The following CD163L1 variants were observed in gnomAD, a reference collection of about 807,000 sequenced individuals.
The protein encoded by CD163L1 is CD163 molecule like 1, also known as scavenger receptor cysteine-rich type 1 protein M160.
In CD163L1, 124 loss-of-function variants were observed where a neutral mutation model predicts 165.4. That is an observed-to-expected ratio of 0.75 (90% confidence interval 0.65 to 0.87). The LOEUF (loss-of-function observed/expected upper bound fraction) is 0.87, where lower values mean the gene tolerates loss of function less well. Among genes scored for constraint, CD163L1 ranks in the 40% least tolerant of loss-of-function variants. The pLI, the probability that CD163L1 is intolerant of heterozygous loss-of-function variation, is 0.00. For synonymous variants in CD163L1, 585 were observed against 662.2 expected (o/e 0.88, Z 1.79); for missense variants, 1,525 against 1,799.9 (o/e 0.85, Z 2.76).
At chr12:7,327,199 G>A in the CD163L1 span, 1 of 1,310,708 alleles carries the variant, frequency 7.6e-7, no homozygotes, top group Non-Finnish European at 1.0e-6. Flanking sequence ...CATTATATAG[G>A]TAGAAGACAC....
At chr12:7,421,580 CATATATACATATACAT>C (rs1948422822) in intron 4 of CD163L1, among the ~76,000 whole-genome samples, 2 of 122,116 alleles carry the variant, frequency 1.6e-5, no homozygotes, top group East Asian at 4.7e-4. Flanking sequence ...TATACATGTA[CATATATACATATACAT>C]ATATGTACAC....
chr12:7,335,691 C>G, the CD163L1 span, among the ~76,000 whole-genome samples: 1 of 152,096 alleles, frequency 6.6e-6, no homozygotes, highest in Non-Finnish European at 1.5e-5. Flanking sequence ...TTCTGCACAG[C>G]AAAAGAAACT....
chr12:7,347,137 A>C lies in CD163L1; in HGVS notation c.*35T>G, dbSNP rs1184187875. On this transcript the variant is annotated 3_prime_UTR_variant, in exon 5 of 5. Coordinates refer to the CD163L1 transcript ENST00000539726. The surrounding 1 kb of genome is among the most constrained non-coding windows in gnomAD (Gnocchi z 4.2). ...GTCAGGAGGGCTTAACATCACCCAC[A>C]TATCAAGATTCTATTTTTAAAGAAA... The C allele has an allele frequency of 6.6e-6, 1 of 152,216 alleles. No homozygotes were observed. Among genetic ancestry groups the C allele is most frequent in the Non-Finnish European group, 1.5e-5 (1 of 68,044 alleles). The allele number at this position is 152,216 out of a possible 1,614,324, so 9.4% of individuals were successfully genotyped here. A position where few individuals can be genotyped will look rare whatever the true frequency, so the allele number is the denominator to read the frequency against.
Position 7,369,031 on chromosome 12 carries a change from TCTC to T in CD163L1, c.4040-69_4040-67del. The T allele has an allele frequency of 6.7e-7, 1 of 1,501,112 alleles. No individual in the cohort carries two copies. Among genetic ancestry groups the T allele is most frequent in the Non-Finnish European group, 9.2e-7 (1 of 1,085,484 alleles). The allele number at this position is 1,501,112 out of a possible 1,614,324, so 93.0% of individuals were successfully genotyped here. A position where few individuals can be genotyped will look rare whatever the true frequency, so the allele number is the denominator to read the frequency against. On this transcript the variant is annotated intron_variant, in intron 15 of 19. Transcript: ENST00000313599. The surrounding 1 kb of genome is among the most constrained non-coding windows in gnomAD (Gnocchi z 4.9). ...AAGGAACTGGGTATTTCTTTTTACA[TCTC>T]CTGCGATTATCGGATGTCATTTAAA...
At chr12:7,353,071 GAATTAAAGAAAAATCT>G (rs1946718352), downstream of CD163L1, among the ~76,000 whole-genome samples, 1 of 151,416 alleles carries the variant, frequency 6.6e-6, no homozygotes, top group Non-Finnish European at 1.5e-5. Context: ...CATATTTAAA[GAATTAAAGAAAAATCT>G]AACGACAATG....
chr12:7,437,142 ATTT>A, intron 2 of CD163L1, among the ~76,000 whole-genome samples: 1 of 79,642 alleles, frequency 1.3e-5, no homozygotes, highest in South Asian at 4.2e-4. Flanking sequence ...TTTATTTATT[ATTT>A]TTATTATACT....
intron 4 of CD163L1, among the ~76,000 whole-genome samples, chr12:7,421,751 A>G (rs1349454369): frequency 3.2e-5 from 4 of 125,998 alleles, no homozygotes; most frequent in African/African-American, 1.4e-4. Flanking sequence ...GTGTGTATAT[A>G]TATATATATA....
chr12:7,327,169 AT>A, the CD163L1 span: 1 of 1,454,734 alleles, frequency 6.9e-7, no homozygotes. Context: ...ATTTTACTGG[AT>A]TTTGATTTTA....
At chr12:7,318,965 G>C in the CD163L1 span, among the ~76,000 whole-genome samples, 1 of 152,144 alleles carries the variant, frequency 6.6e-6, no homozygotes, top group Admixed American at 6.5e-5. Context: ...ATGGACTAGG[G>C]GGAGCGGGGA....
chr12:7,430,322 T>A (rs1447175087), intron 4 of CD163L1, among the ~76,000 whole-genome samples: 1 of 152,198 alleles, frequency 6.6e-6, no homozygotes, highest in Non-Finnish European at 1.5e-5. Context: ...GATTATTCAC[T>A]TGTTGTAAGA....
the CD163L1 span, among the ~76,000 whole-genome samples, chr12:7,334,957 G>A: frequency 2.0e-5 from 3 of 152,134 alleles, no homozygotes; most frequent in African/African-American, 4.8e-5. Context: ...CCTATTCAAG[G>A]AGAACTACAA....
the CD163L1 span, chr12:7,323,609 A>C: frequency 4.0e-6 from 6 of 1,514,310 alleles, no homozygotes; most frequent in Non-Finnish European, 5.5e-6. Context: ...CTTGGGTTCA[A>C]ATTTCATTTC....
the CD163L1 span, among the ~76,000 whole-genome samples, chr12:7,340,970 T>C: frequency 6.6e-6 from 1 of 152,206 alleles, no homozygotes; most frequent in South Asian, 2.1e-4. Flanking sequence ...ATTTTCCAAA[T>C]TCAAATGTTA....
rs756400210 is a variant in CD163L1 at position 7,374,701 on chromosome 12, C to A, written c.3150G>T (p.Glu1050Asp). 2.5e-6 allele frequency: 4 copies of A among 1,614,072 alleles called. No homozygotes were observed. Among genetic ancestry groups the A allele is most frequent in the Non-Finnish European group, 3.4e-6 (4 of 1,180,012 alleles). Reference protein sequence around the residue: ...DGDSRCAGRVEIYHDGFWGTI... With the variant: ...DGDSRCAGRVDIYHDGFWGTI... The stretch of plus-strand genomic sequence containing the variant: ...TGCCCCAGAAGCCGTCGTGATAGAT[C>A]TCTACTCTCCCGGCACAGCGGCTGT... The change falls in exon 13 of 20, where the codon GAG becomes GAT. Residue 1050 changes from glutamate to aspartate, a missense_variant. Transcript: ENST00000313599. The surrounding 1 kb of genome is among the most constrained non-coding windows in gnomAD (Gnocchi z 5.4).
downstream of CD163L1, among the ~76,000 whole-genome samples, chr12:7,353,374 C>G (rs1324704103): frequency 6.6e-6 from 1 of 151,860 alleles, no homozygotes; most frequent in African/African-American, 2.4e-5. Flanking sequence ...AAAAAAATAA[C>G]AGTTGAAAAT....
chr12:7,439,508 C>T (rs1473556782), intron 2 of CD163L1: 27 of 1,582,134 alleles, frequency 1.7e-5, no homozygotes, highest in Non-Finnish European at 2.3e-5. Context: ...CTTTTCTCCT[C>T]TCTCTGCCTT....
At chr12:7,442,307 A>G (rs1161573965) in intron 1 of CD163L1, among the ~76,000 whole-genome samples, 1 of 152,196 alleles carries the variant, frequency 6.6e-6, no homozygotes, top group Non-Finnish European at 1.5e-5. Flanking sequence ...CCCTAAGAGG[A>G]CAGAAGGAAC....
rs117504973 is a variant in CD163L1 at position 7,380,344 on chromosome 12, T to C, written c.2051-1046A>G. 5.2e-3 allele frequency among the ~76,000 whole-genome samples: 739 copies of C among 141,278 alleles called. 4 individuals are homozygous for C. The highest frequency in any genetic ancestry group is 0.014 in the African/African-American group (499 of 36,582). 92.7% of individuals were successfully genotyped at this position (141,278 alleles called of 152,430 possible). A position where few individuals can be genotyped will look rare whatever the true frequency, so the allele number is the denominator to read the frequency against. ...ATATATGTATGTATACACGTATACATACATGTATGTGTGTATACGCGTATA... is the reference window on the plus strand; with the variant it reads ...ATATATGTATGTATACACGTATACACACATGTATGTGTGTATACGCGTATA... On this transcript the variant is annotated intron_variant, in intron 8 of 19. Transcript: ENST00000313599.
chr12:7,390,560 T>G (rs1010866073), intron 8 of CD163L1, among the ~76,000 whole-genome samples: 4 of 152,050 alleles, frequency 2.6e-5, no homozygotes, highest in Non-Finnish European at 5.9e-5. Flanking sequence ...AAACAACAGG[T>G]AAAATTCAAA....
Sources: allele counts gnomAD v4.1 joint callset (sites outside exome capture counted in the v4.1 genomes callset), GRCh38; gene constraint gnomAD v4.1.1; non-coding constraint Gnocchi (gnomAD v3.1); transcripts MANE v1.5; gene names NCBI Gene and HGNC (gene_info 2026-07-23, HGNC 2026-07-21).